Variants in REDIC1 observed in about 807,000 individuals in gnomAD.
The protein encoded by REDIC1 is HEI10 Interacting Protein 1.
chr12:39,902,398 A>G, the REDIC1 span, among the ~76,000 whole-genome samples: 9 of 152,188 alleles, frequency 5.9e-5, no homozygotes, highest in African/African-American at 2.2e-4. Flanking sequence ...ATACACATGA[A>G]GAGAACTATT....
At chr12:39,778,623 C>T in the REDIC1 span, among the ~76,000 whole-genome samples, 331 of 152,198 alleles carry the variant, frequency 2.2e-3, 1 homozygote, top group African/African-American at 7.5e-3. Flanking sequence ...CGTATTATTA[C>T]ATTAAATTAT....
the REDIC1 span, among the ~76,000 whole-genome samples, chr12:39,648,677 G>A: frequency 9.3e-5 from 14 of 150,964 alleles, no homozygotes; most frequent in South Asian, 2.1e-4. Flanking sequence ...CTTGTTAATG[G>A]GAATACTTAG....
chr12:39,670,714 A>T, the REDIC1 span, among the ~76,000 whole-genome samples: 15 of 150,640 alleles, frequency 1.0e-4, no homozygotes, highest in East Asian at 2.7e-3. Context: ...ATGGTGTGTC[A>T]TATGTCACGT....
the REDIC1 span, among the ~76,000 whole-genome samples, chr12:39,857,941 G>C: frequency 6.6e-6 from 1 of 152,132 alleles, no homozygotes; most frequent in Admixed American, 6.5e-5. Flanking sequence ...TTCCCAAGAA[G>C]CATTTTTTGA....
At chr12:39,716,970 A>G in the REDIC1 span, 1 of 534,740 alleles carries the variant, frequency 1.9e-6, no homozygotes, top group Non-Finnish European at 2.8e-6. Flanking sequence ...ATAAACAAAA[A>G]GGTAAAAAAT....
the REDIC1 span, among the ~76,000 whole-genome samples, chr12:39,699,847 C>A: frequency 6.6e-6 from 1 of 152,218 alleles, no homozygotes; most frequent in Non-Finnish European, 1.5e-5. Flanking sequence ...ACACCTCACA[C>A]AGCCGGGTAT....
At chr12:39,861,919 T>A in the REDIC1 span, among the ~76,000 whole-genome samples, 1 of 152,184 alleles carries the variant, frequency 6.6e-6, no homozygotes, top group Non-Finnish European at 1.5e-5. Context: ...GACGTGCAGG[T>A]CTGTTACATA....
At chr12:39,634,949 A>C in the REDIC1 span, among the ~76,000 whole-genome samples, 1 of 152,198 alleles carries the variant, frequency 6.6e-6, no homozygotes, top group Non-Finnish European at 1.5e-5. Flanking sequence ...AGAAAAAAAA[A>C]CAACCCCATC....
chr12:39,873,430 T>C, the REDIC1 span, among the ~76,000 whole-genome samples: 6 of 152,206 alleles, frequency 3.9e-5, no homozygotes, highest in Non-Finnish European at 8.8e-5. Context: ...AAGACCTGTA[T>C]GGCAATGTCA....
the REDIC1 span, among the ~76,000 whole-genome samples, chr12:39,858,014 G>T: frequency 6.6e-6 from 1 of 152,168 alleles, no homozygotes; most frequent in Non-Finnish European, 1.5e-5. Flanking sequence ...CCAAGTGGGG[G>T]ATTTGTAAGT....
the REDIC1 span, among the ~76,000 whole-genome samples, chr12:39,897,165 G>A: frequency 6.6e-6 from 1 of 152,044 alleles, no homozygotes; most frequent in Non-Finnish European, 1.5e-5. Flanking sequence ...CTGCCTTCTG[G>A]TTAATTTTTC....
the REDIC1 span, among the ~76,000 whole-genome samples, chr12:39,714,761 AG>A: frequency 4.0e-5 from 6 of 151,654 alleles, no homozygotes; most frequent in African/African-American, 1.5e-4. Context: ...CCATTCTTGC[AG>A]GAGTAAGGTG....
At chr12:39,741,881 G>A in the REDIC1 span, among the ~76,000 whole-genome samples, 1 of 152,166 alleles carries the variant, frequency 6.6e-6, no homozygotes, top group South Asian at 2.1e-4. Flanking sequence ...AACATACTGG[G>A]TCAAAATGAC....
chr12:39,646,548 T>TA, the REDIC1 span: 4 of 1,283,160 alleles, frequency 3.1e-6, no homozygotes, highest in Non-Finnish European at 3.2e-6. Context: ...ATAAAATACT[T>TA]ACCTTCTACC....
At chr12:39,797,777 TAC>T in the REDIC1 span, among the ~76,000 whole-genome samples, 2 of 135,082 alleles carry the variant, frequency 1.5e-5, no homozygotes, top group Admixed American at 7.2e-5. Flanking sequence ...CACACACACA[TAC>T]ACGGATGCAT....
chr12:39,786,739 ATCAT>A, the REDIC1 span, among the ~76,000 whole-genome samples: 1 of 152,184 alleles, frequency 6.6e-6, no homozygotes, highest in African/African-American at 2.4e-5. Context: ...TGGTGGGTGA[ATCAT>A]TCTCTGTACT....
the REDIC1 span, among the ~76,000 whole-genome samples, chr12:39,876,526 GAATA>G: frequency 2.6e-5 from 4 of 151,810 alleles, no homozygotes; most frequent in Admixed American, 2.6e-4. Context: ...AAGAAATTAA[GAATA>G]ATTATATTAA....
chr12:39,651,651 T>C, the REDIC1 span, among the ~76,000 whole-genome samples: 1 of 152,216 alleles, frequency 6.6e-6, no homozygotes, highest in Non-Finnish European at 1.5e-5. Flanking sequence ...CATCCCAGTC[T>C]ATGACATCAT....
the REDIC1 span, among the ~76,000 whole-genome samples, chr12:39,649,884 TG>T: frequency 6.6e-6 from 1 of 151,978 alleles, no homozygotes; most frequent in Non-Finnish European, 1.5e-5. Flanking sequence ...GCTCTTTTAT[TG>T]GGACAAATTA....
Sources: allele counts gnomAD v4.1 joint callset (sites outside exome capture counted in the v4.1 genomes callset), GRCh38; gene constraint gnomAD v4.1.1; transcripts MANE v1.5; gene names NCBI Gene and HGNC (gene_info 2026-07-23, HGNC 2026-07-21).